Variants in LAMP1 observed in about 807,000 individuals in gnomAD.
LAMP1 encodes lysosome associated membrane protein 1.
Under a neutral mutation model 37.5 loss-of-function variants are expected in LAMP1, and 7 were observed. The observed-to-expected ratio is 0.19, with a 90% confidence interval of 0.11 to 0.35. The LOEUF is 0.35. Ranked by LOEUF, LAMP1 falls within the 10% of genes least tolerant of loss-of-function variation. The pLI, the probability that LAMP1 is intolerant of heterozygous loss-of-function variation, is 1.00. For missense variants in LAMP1, 537 were observed against 552.8 expected (o/e 0.97, Z 0.29); for synonymous variants, 236 against 229.1 (o/e 1.03, Z -0.27).
chr13:113,315,914 C>G (rs2042661044), intron 4 of LAMP1, among the ~76,000 whole-genome samples: 1 of 151,816 alleles, frequency 6.6e-6, no homozygotes, highest in African/African-American at 2.4e-5. Context: ...ACCAGCCTGG[C>G]CAACATGGCG....
Position 113,306,468 on chromosome 13 carries a change from T to G in LAMP1, c.62-17T>G. The G allele has an allele frequency of 1.2e-6, 2 of 1,611,662 alleles. No individual in the cohort carries two copies. Among genetic ancestry groups the G allele is most frequent in the Non-Finnish European group, 1.7e-6 (2 of 1,178,574 alleles). On this transcript the variant is annotated splice_polypyrimidine_tract_variant and intron_variant, in intron 1 of 8. Coordinates refer to ENST00000332556, the MANE Select transcript of LAMP1 (RefSeq NM_005561.4). The stretch of plus-strand genomic sequence containing the variant: ...TGGACAGTTTTTGATGGTCTCCGTC[T>G]TCCCTGGAATTGACAGGCCTCATGC...
At chr13:113,310,256 G>T (rs1044688458) in intron 3 of LAMP1, among the ~76,000 whole-genome samples, 2 of 151,518 alleles carry the variant, frequency 1.3e-5, no homozygotes, top group East Asian at 2.0e-4. Flanking sequence ...AGCCAGGCGC[G>T]GTGGCTCACG....
chr13:113,301,645 ATATATATATATATAT>A (rs2042574341), intron 1 of LAMP1, among the ~76,000 whole-genome samples: 4 of 770 alleles, frequency 5.2e-3, no homozygotes, highest in African/African-American at 7.7e-3. Flanking sequence ...AAAAAAAAAA[ATATATATATATATAT>A]ATATATATAT....
rs76480065 is a variant in LAMP1, at chr13:113,297,588, C to T, written c.61+93C>T. ...GGCGGGGGACTGCCGGGTCGTTGTC[C>T]CGCGGGTCGCCCCGCACCCACTGCT... On this transcript the variant is annotated intron_variant, in intron 1 of 8. Transcript: ENST00000332556. The surrounding 1 kb of genome is among the most constrained non-coding windows in gnomAD (Gnocchi z 4.4). 7,129 of 1,144,414 alleles carry T rather than the reference C, an allele frequency of 6.2e-3. 34 individuals are homozygous for T. The highest frequency in any genetic ancestry group is 7.4e-3 in the Non-Finnish European group (6,829 of 920,494). The allele number at this position is 1,144,414 out of a possible 1,614,324, so 70.9% of individuals were successfully genotyped here.
chr13:113,312,330 A>G (rs576489534), intron 4 of LAMP1, among the ~76,000 whole-genome samples: 118 of 152,376 alleles, frequency 7.7e-4, no homozygotes, highest in African/African-American at 2.7e-3. Context: ...TTCAGTGTCC[A>G]TAAGTTAAAT....
chr13:113,314,997 G>A (rs1253260466), intron 4 of LAMP1, among the ~76,000 whole-genome samples: 1 of 104,066 alleles, frequency 9.6e-6, no homozygotes, highest in Non-Finnish European at 1.9e-5. Flanking sequence ...TCCTGAGGGA[G>A]TCAGTGTGGA....
intron 8 of LAMP1, 145 bp from the exon 9 acceptor site, chr13:113,322,137 C>A (rs1322547182): frequency 1.1e-6 from 1 of 916,000 alleles, no homozygotes; most frequent in Non-Finnish European, 1.6e-6. Flanking sequence ...GCGGCTTCCC[C>A]AAGTGACAAT....
At chr13:113,301,338 C>T (rs996516182) in intron 1 of LAMP1, among the ~76,000 whole-genome samples, 3 of 151,888 alleles carry the variant, frequency 2.0e-5, no homozygotes, top group South Asian at 2.1e-4. Flanking sequence ...AAGAAATATA[C>T]GGCCGGGCAC....
intron 1 of LAMP1, among the ~76,000 whole-genome samples, chr13:113,299,622 G>A (rs564024876): frequency 1.4e-5 from 2 of 145,908 alleles, no homozygotes; most frequent in African/African-American, 2.5e-5. Flanking sequence ...AGGCTGGAGT[G>A]CAGTGGCGTG....
At chr13:113,310,575 C>T in intron 3 of LAMP1, 134 bp from the exon 4 acceptor site, 1 of 826,260 alleles carries the variant, frequency 1.2e-6, no homozygotes, top group Non-Finnish European at 1.8e-6. Context: ...AAGTAGTTTG[C>T]AATTGTGATT....
intron 4 of LAMP1, among the ~76,000 whole-genome samples, chr13:113,315,029 T>G (rs1460218053): frequency 7.3e-5 from 8 of 109,518 alleles, no homozygotes; most frequent in East Asian, 3.0e-4. Flanking sequence ...GCCTGGGGCG[T>G]GGCCTCCTGG....
chr13:113,323,568 T>TCC lies in LAMP1; in HGVS notation c.*1147_*1148insCC, dbSNP rs1297994754. 1 of 151,312 alleles carries TCC rather than the reference T, an allele frequency of 6.6e-6. No homozygotes were observed. The highest frequency in any genetic ancestry group is 1.5e-5 in the Non-Finnish European group (1 of 67,904). The allele number at this position is 151,312 out of a possible 1,614,324, so 9.4% of individuals were successfully genotyped here. On this transcript the variant is annotated 3_prime_UTR_variant, in exon 9 of 9. Coordinates refer to ENST00000332556, the MANE Select transcript of LAMP1 (RefSeq NM_005561.4). Reference sequence around the variant, plus strand: ...GTGAGGGTGGTCTTGGTGCCAGACGTAGGGAATGGTGTTGGGAGTGGCCCG... The same window carrying TCC: ...GTGAGGGTGGTCTTGGTGCCAGACGTCCAGGGAATGGTGTTGGGAGTGGCCCG...
intron 2 of LAMP1, 135 bp from the exon 3 acceptor site, chr13:113,309,508 A>G: frequency 1.5e-6 from 1 of 654,278 alleles, no homozygotes; most frequent in Admixed American, 3.2e-5. Context: ...TTTATATTAA[A>G]AATGAGTACC....
At chr13:113,309,080 TTAACA>T (rs2042615464) in intron 2 of LAMP1, among the ~76,000 whole-genome samples, 1 of 152,190 alleles carries the variant, frequency 6.6e-6, no homozygotes. Context: ...ATAAATTATA[TTAACA>T]TAAAATGAAT....
chr13:113,313,380 CGCATGTACAGCCTTCCTCTGTGTCCA>C (rs1219973799), intron 4 of LAMP1, among the ~76,000 whole-genome samples: 2 of 152,252 alleles, frequency 1.3e-5, no homozygotes, highest in Non-Finnish European at 2.9e-5. Flanking sequence ...TCTGCCGCTG[CGCATGTACAGCCTTCCTCTGTGTCCA>C]GATCCTGGAC....
Position 113,310,739 on chromosome 13 carries a change from T to C in LAMP1, c.434T>C (p.Ile145Thr), listed in dbSNP as rs758445807. The C allele has an allele frequency of 4.3e-6, 7 of 1,610,612 alleles. No homozygotes were observed. Among genetic ancestry groups the C allele is most frequent in the Non-Finnish European group, 4.2e-6 (5 of 1,178,462 alleles). The change falls in exon 4 of 9, where the codon ATC becomes ACC. Residue 145 changes from isoleucine to threonine, a missense_variant. Coordinates refer to ENST00000332556, the MANE Select transcript of LAMP1 (RefSeq NM_005561.4). ...AAGACTGTGGAATCTATAACTGACA[T>C]CAGGGCAGATATAGATAAAAAATAC... ...EIKTVESITD[I>T]RADIDKKYRC...
intron 1 of LAMP1, 118 bp from the exon 2 acceptor site, chr13:113,306,364 AAAG>A (rs1406774369): frequency 3.3e-6 from 4 of 1,226,194 alleles, no homozygotes; most frequent in South Asian, 3.0e-5. Flanking sequence ...AAAAAAAAAA[AAAG>A]AGAAACAGTG....
At position 113,321,510 on chromosome 13, in the gene LAMP1, C is replaced by T. The variant is rs750411818; in HGVS notation, c.943+40C>T. 35 of 1,613,806 alleles carry T rather than the reference C, an allele frequency of 2.2e-5. No individual in the cohort carries two copies. Among genetic ancestry groups the T allele is most frequent in the Non-Finnish European group, 2.6e-5 (31 of 1,179,816 alleles). On this transcript the variant is annotated intron_variant, in intron 7 of 8. Coordinates refer to ENST00000332556, the MANE Select transcript of LAMP1 (RefSeq NM_005561.4). The surrounding 1 kb of genome is among the most constrained non-coding windows in gnomAD (Gnocchi z 5.6). ...TCTCTGCGAGCCCCGCCCCCGCCCG[C>T]GCGCCCAGGGTATTCTGGAGCCACT...
intron 3 of LAMP1, among the ~76,000 whole-genome samples, chr13:113,310,447 AC>A (rs1186323236): frequency 6.6e-6 from 1 of 152,142 alleles, no homozygotes; most frequent in Non-Finnish European, 1.5e-5. Context: ...AATCGCCTGA[AC>A]CCAGAAGGCG....
Sources: allele counts gnomAD v4.1 joint callset (sites outside exome capture counted in the v4.1 genomes callset), GRCh38; gene constraint gnomAD v4.1.1; non-coding constraint Gnocchi (gnomAD v3.1); transcripts MANE v1.5; gene names NCBI Gene and HGNC (gene_info 2026-07-23, HGNC 2026-07-21).